NEK10: variants seen among roughly 807,000 people sequenced by gnomAD.
The protein encoded by NEK10 is NIMA related kinase 10.
NEK10 carries 122 observed loss-of-function variants against 159.8 expected under a neutral mutation model. The observed-to-expected ratio is 0.76, with a 90% CI of 0.66 to 0.89. NEK10 has a LOEUF of 0.89. Among genes scored for constraint, NEK10 ranks in the 40% least tolerant of loss-of-function variants. NEK10 has a pLI of 0.00. For missense variants in NEK10, 1,342 were observed against 1,323.1 expected, an observed-to-expected ratio of 1.01 and a Z score of -0.22; for synonymous variants, 466 against 457.1, an observed-to-expected ratio of 1.02 and a Z score of -0.25.
chr3:27,278,677 T>C, intron 22 of NEK10: 1 of 981,666 alleles, frequency 1.0e-6, no homozygotes, highest in Non-Finnish European at 1.2e-6. Context: ...ATGAGTTTTG[T>C]TTTTTCTTTT....
At chr3:27,128,641 T>C (rs553639514) in intron 32 of NEK10, among the ~76,000 whole-genome samples, 10 of 152,274 alleles carry the variant, frequency 6.6e-5, no homozygotes, top group African/African-American at 2.4e-4. Flanking sequence ...AGGGATTTTT[T>C]TTTTTCTTTT....
At chr3:27,122,409 C>G (rs1201396045) in intron 32 of NEK10, among the ~76,000 whole-genome samples, 1 of 152,122 alleles carries the variant, frequency 6.6e-6, no homozygotes, top group Non-Finnish European at 1.5e-5. Flanking sequence ...AATATATAAC[C>G]CATCTGTAAT....
At chr3:27,208,668 G>A (rs373226896) in intron 23 of NEK10, among the ~76,000 whole-genome samples, 1 of 152,130 alleles carries the variant, frequency 6.6e-6, no homozygotes. Flanking sequence ...GACTAAATGG[G>A]TATAAGAGTC....
intron 23 of NEK10, among the ~76,000 whole-genome samples, chr3:27,233,191 A>C (rs974501668): frequency 6.6e-6 from 1 of 151,954 alleles, no homozygotes; most frequent in Non-Finnish European, 1.5e-5. Context: ...AAACAAGTCA[A>C]CAAGAAAAAA....
At chr3:27,266,900 G>C (rs990619704) in intron 22 of NEK10, among the ~76,000 whole-genome samples, 3 of 152,140 alleles carry the variant, frequency 2.0e-5, no homozygotes, top group Admixed American at 2.0e-4. Context: ...AGGCAGCTTC[G>C]TAGACAGTTC....
In NEK10 at chr3:27,215,034, C is replaced by G; in HGVS notation, c.2091-12477G>C. On this transcript the variant is annotated intron_variant, in intron 23 of 35. Transcript: ENST00000691995. ...CCAACTCCGACCTGTTCCCCACCGG[C>G]GCCTCCAGCTTTCCTCTTGGCCGGC... The G allele has an allele frequency of 3.4e-6, 2 of 593,794 alleles. 1 individual carries two copies. Among genetic ancestry groups the G allele is most frequent in the Middle Eastern group, 6.4e-4 (2 of 3,106 alleles). The allele number at this position is 593,794 out of a possible 1,614,324, so 36.8% of individuals were successfully genotyped here.
intron 30 of NEK10, chr3:27,143,603 C>A: frequency 2.0e-6 from 1 of 500,288 alleles, no homozygotes. Context: ...CCAACACATC[C>A]TTGACTTCTG....
chr3:27,162,269 C>A, intron 30 of NEK10: 3 of 1,010,400 alleles, frequency 3.0e-6, no homozygotes, highest in East Asian at 5.4e-5. Context: ...AATATTTCAA[C>A]CAACAGTGAA....
chr3:27,161,963 C>G (rs1946046193), intron 30 of NEK10, among the ~76,000 whole-genome samples: 1 of 151,714 alleles, frequency 6.6e-6, no homozygotes, highest in Non-Finnish European at 1.5e-5. Flanking sequence ...CGAGATCGTG[C>G]CACTGCACTC....
rs2049322123 is a variant in NEK10, at chr3:27,369,092, C to T, written c.-38+133G>A. 6.6e-6 allele frequency: 1 copy of T among 152,506 alleles called. No homozygotes were observed. Among genetic ancestry groups the T allele is most frequent in the Admixed American group, 6.5e-5 (1 of 15,290 alleles). The allele number at this position is 152,506 out of a possible 1,614,324, so 9.4% of individuals were successfully genotyped here. A position where few individuals can be genotyped will look rare whatever the true frequency, so the allele number is the denominator to read the frequency against. ...TACCCACCACAGCCGCATTCTCTAC[C>T]TCTGCCTCTTGTCTAGTGAAGCTGG... On this transcript the variant is annotated intron_variant, in intron 1 of 35. Coordinates refer to ENST00000691995, the MANE Select transcript of NEK10 (RefSeq NM_001394966.1). This position sits in a 1 kb window ranked among gnomAD's most constrained non-coding sequence, Gnocchi z 4.2.
chr3:27,264,841 C>T (rs913075561), intron 22 of NEK10, among the ~76,000 whole-genome samples: 4 of 151,686 alleles, frequency 2.6e-5, no homozygotes, highest in African/African-American at 7.3e-5. Context: ...TTGCAGTAAG[C>T]CAAGATCACA....
chr3:27,189,095 T>A (rs532462801), intron 26 of NEK10, among the ~76,000 whole-genome samples: 157 of 152,262 alleles, frequency 1.0e-3, no homozygotes, highest in African/African-American at 3.4e-3. Flanking sequence ...CTCAACTCTA[T>A]ACTCTCCTTA....
chr3:27,226,127 G>A (rs1397344944), intron 23 of NEK10, among the ~76,000 whole-genome samples: 1 of 151,838 alleles, frequency 6.6e-6, no homozygotes, highest in Non-Finnish European at 1.5e-5. Context: ...TGCCTCCTGG[G>A]TTCACATCAT....
chr3:27,248,471 C>A (rs532122241), intron 23 of NEK10, among the ~76,000 whole-genome samples: 9 of 151,928 alleles, frequency 5.9e-5, no homozygotes, highest in Non-Finnish European at 1.2e-4. Flanking sequence ...TGAAGTTTTT[C>A]TTCTTTTTGG....
intron 8 of NEK10, 48 bp downstream of exon 8, chr3:27,312,051 T>C: frequency 8.0e-7 from 1 of 1,243,944 alleles, no homozygotes; most frequent in Non-Finnish European, 1.2e-6. Context: ...CATACTGCTT[T>C]TTCTAGCAAG....
intron 32 of NEK10, among the ~76,000 whole-genome samples, chr3:27,121,169 T>C (rs374756963): frequency 1.0e-3 from 154 of 152,130 alleles, no homozygotes; most frequent in African/African-American, 3.5e-3. Context: ...ATAACTAAAA[T>C]CTAGAAAAAC....
intron 31 of NEK10, among the ~76,000 whole-genome samples, chr3:27,135,469 A>G (rs1456744642): frequency 6.6e-6 from 1 of 152,190 alleles, no homozygotes; most frequent in East Asian, 1.9e-4. Context: ...TGCATGTTTT[A>G]TACTAGGTTT....
chr3:27,205,246 T>C (rs892237586), intron 23 of NEK10, among the ~76,000 whole-genome samples: 1 of 148,834 alleles, frequency 6.7e-6, no homozygotes, highest in Non-Finnish European at 1.5e-5. Context: ...TGCTCATGGG[T>C]AGGAAGAATC....
At chr3:27,224,308 T>C (rs1281644809) in intron 23 of NEK10, among the ~76,000 whole-genome samples, 1 of 152,216 alleles carries the variant, frequency 6.6e-6, no homozygotes, top group African/African-American at 2.4e-5. Context: ...CAGCATGAGT[T>C]CCCTCATGGC....
Sources: allele counts gnomAD v4.1 joint callset (sites outside exome capture counted in the v4.1 genomes callset), GRCh38; gene constraint gnomAD v4.1.1; non-coding constraint Gnocchi (gnomAD v3.1); transcripts MANE v1.5; gene names NCBI Gene and HGNC (gene_info 2026-07-23, HGNC 2026-07-21).